The following EEA1 variants were observed in gnomAD, a reference collection of about 807,000 sequenced individuals.
EEA1 encodes the protein early endosome antigen 1, 162kD.
EEA1 carries 111 observed loss-of-function variants against 209.2 expected under a neutral mutation model. The ratio of observed to expected loss-of-function variants is 0.53; its 90% confidence interval spans 0.45 to 0.62. The LOEUF (loss-of-function observed/expected upper bound fraction) is 0.62. Ranked by LOEUF, EEA1 falls within the 20% of genes least tolerant of loss-of-function variation. EEA1 has a pLI of 0.00. For missense variants in EEA1, 1,343 were observed against 1,530.8 expected (o/e 0.88, Z 2.05); for synonymous variants, 536 against 540.6 (o/e 0.99, Z 0.12).
intron 2 of EEA1, chr12:92,883,691 G>T (rs1269389580): frequency 4.1e-6 from 3 of 739,128 alleles, no homozygotes; most frequent in Admixed American, 2.2e-5. Flanking sequence ...AGAATACAGT[G>T]AGACACGTTC....
intron 1 of EEA1, among the ~76,000 whole-genome samples, chr12:92,912,217 T>G (rs947022053): frequency 1.3e-5 from 2 of 152,190 alleles, no homozygotes; most frequent in Non-Finnish European, 1.5e-5. Flanking sequence ...CAGCACTTAC[T>G]CATAATACAA....
chr12:92,779,536 A>G (rs1047638638), intron 24 of EEA1, among the ~76,000 whole-genome samples: 8 of 151,010 alleles, frequency 5.3e-5, no homozygotes, highest in South Asian at 2.1e-4. Context: ...TTATGTGGAG[A>G]AAAAAAAACA....
At chr12:92,926,990 C>T (rs1480954494) in intron 1 of EEA1, among the ~76,000 whole-genome samples, 1 of 152,122 alleles carries the variant, frequency 6.6e-6, no homozygotes, top group African/African-American at 2.4e-5. Context: ...GTTTCCTACC[C>T]CTTAGCATGA....
chr12:92,789,490 C>T (rs4760497), intron 21 of EEA1, among the ~76,000 whole-genome samples: 122,108 of 151,782 alleles, frequency 0.8, 49,244 homozygotes, highest in East Asian at 0.94. Context: ...GACTGACATA[C>T]CTATCTCAAG....
intron 10 of EEA1, among the ~76,000 whole-genome samples, chr12:92,838,583 A>G (rs1877030486): frequency 6.6e-6 from 1 of 152,202 alleles, no homozygotes; most frequent in Non-Finnish European, 1.5e-5. Flanking sequence ...TTAAACATCA[A>G]TCAACACCAA....
At position 92,924,502 on chromosome 12, in the gene EEA1, C is replaced by G. The variant is rs371962054; in HGVS notation, c.24+4541G>C. The stretch of plus-strand genomic sequence containing the variant: ...GGGATTACAGGCATGAGCCACCGCG[C>G]CTGGCTGAGACTTTTATACATATTA... On this transcript the variant is annotated intron_variant, in intron 1 of 28. Transcript: ENST00000322349. Among the ~76,000 whole-genome samples, 549 of 152,196 alleles carry G rather than the reference C, an allele frequency of 3.6e-3. 2 individuals carry two copies. Among genetic ancestry groups the G allele is most frequent in the African/African-American group, 0.013 (527 of 41,516 alleles).
chr12:92,770,996 G>GGTGTGTGTGTGTGTGTGT lies in EEA1; in HGVS notation c.*4997_*5014dup, dbSNP rs57839500. ...ATAAAAATACTTTCTGGTTTTGATT[G>GGTGTGTGTGTGTGTGTGT]GTGTGTGTGTGTGTGTGTGTGTGTG... On this transcript the variant is annotated 3_prime_UTR_variant, in exon 29 of 29. Transcript: ENST00000322349. 3.3e-5 allele frequency: 5 copies of GGTGTGTGTGTGTGTGTGT among 150,382 alleles called. 1 individual carries two copies. The East Asian group carries it at 9.8e-4, about 29-fold the overall frequency. 9.3% of individuals were successfully genotyped at this position (150,382 alleles called of 1,614,324 possible).
chr12:92,900,181 T>C (rs373027635), intron 1 of EEA1, among the ~76,000 whole-genome samples: 1 of 152,340 alleles, frequency 6.6e-6, no homozygotes, highest in East Asian at 1.9e-4. Flanking sequence ...ACCCTGACTG[T>C]TTCCAATGAC....
chr12:92,921,907 A>G (rs1457575061), intron 1 of EEA1, among the ~76,000 whole-genome samples: 1 of 150,296 alleles, frequency 6.7e-6, no homozygotes, highest in African/African-American at 2.4e-5. Flanking sequence ...AAAGAAAGCT[A>G]TTAGAAGATG....
chr12:92,881,095 T>G (rs944168648), intron 2 of EEA1, among the ~76,000 whole-genome samples: 1 of 152,172 alleles, frequency 6.6e-6, no homozygotes, highest in African/African-American at 2.4e-5. Context: ...CTCCCACTGC[T>G]AAATCTGACT....
rs7959952 is a variant in EEA1 at position 92,858,912 on chromosome 12, G to A, written c.246-1427C>T. On this transcript the variant is annotated intron_variant, in intron 3 of 28. Transcript: ENST00000322349. ...ATTATGGACACTTACAGAGGTTGGG[G>A]TGTTCATGGAGGAGGTGCCTTTGAG... The A allele has an allele frequency of 4.8e-3, 3,403 of 707,920 alleles. 86 individuals carry two copies. The African/African-American group carries it at 0.052, about 11-fold the overall frequency. 43.9% of individuals were successfully genotyped at this position (707,920 alleles called of 1,614,324 possible). A position where few individuals can be genotyped will look rare whatever the true frequency, so the allele number is the denominator to read the frequency against.
intron 10 of EEA1, among the ~76,000 whole-genome samples, chr12:92,834,544 ACT>A (rs1876822180): frequency 1.8e-4 from 24 of 130,512 alleles, no homozygotes; most frequent in South Asian, 2.6e-4. Context: ...AGACCCTGTC[ACT>A]AAAAAAAAAA....
intron 2 of EEA1, chr12:92,884,439 G>C (rs1046915191): frequency 6.9e-7 from 1 of 1,452,990 alleles, no homozygotes. Context: ...AACTTCAGTG[G>C]TGGTGGTGGA....
At chr12:92,864,250 A>G (rs929973292) in intron 3 of EEA1, among the ~76,000 whole-genome samples, 3 of 152,162 alleles carry the variant, frequency 2.0e-5, no homozygotes, top group Non-Finnish European at 2.9e-5. Context: ...AAAGCATAAA[A>G]ATACTTTTTT....
chr12:92,809,174 T>C lies in EEA1; in HGVS notation c.2200-18A>G, dbSNP rs1244921526. 6.5e-7 allele frequency: 1 copy of C among 1,532,512 alleles called. No individual in the cohort carries two copies. The highest frequency in any genetic ancestry group is 8.8e-7 in the Non-Finnish European group (1 of 1,142,048). The allele number at this position is 1,532,512 out of a possible 1,614,324, so 94.9% of individuals were successfully genotyped here. On this transcript the variant is annotated intron_variant, in intron 17 of 28. Transcript: ENST00000322349. ...TCTAGTTTCTATGAAAGAAATATGA[T>C]ATGGCAGCCATTTTAATATTAGTAA... is the stretch of plus-strand genomic sequence containing the variant.
At chr12:92,865,128 A>T in intron 2 of EEA1, 141 bp from the exon 3 acceptor site, 2 of 545,640 alleles carry the variant, frequency 3.7e-6, no homozygotes, top group South Asian at 6.7e-5. Context: ...TATTAATCCC[A>T]AATTCTAGTA....
chr12:92,829,531 C>A (rs1876506023), intron 11 of EEA1, among the ~76,000 whole-genome samples: 1 of 151,990 alleles, frequency 6.6e-6, no homozygotes, highest in Non-Finnish European at 1.5e-5. Context: ...GTAATCCTAG[C>A]ACTTTGGGAG....
At chr12:92,914,998 G>T (rs962481444) in intron 1 of EEA1, among the ~76,000 whole-genome samples, 2 of 152,090 alleles carry the variant, frequency 1.3e-5, no homozygotes, top group Non-Finnish European at 2.9e-5. Context: ...CTCTAAGCAT[G>T]AAATTCCCAT....
At chr12:92,836,670 C>T (rs1269194364) in intron 10 of EEA1, among the ~76,000 whole-genome samples, 1 of 152,032 alleles carries the variant, frequency 6.6e-6, no homozygotes, top group East Asian at 1.9e-4. Context: ...ATGTCTTAAC[C>T]CCTCTGCCAT....
Sources: allele counts gnomAD v4.1 joint callset (sites outside exome capture counted in the v4.1 genomes callset), GRCh38; gene constraint gnomAD v4.1.1; transcripts MANE v1.5; gene names NCBI Gene and HGNC (gene_info 2026-07-23, HGNC 2026-07-21).